Variants in LRFN2 observed in about 807,000 individuals in gnomAD.
LRFN2 encodes leucine rich repeat and fibronectin type III domain containing 2.
A neutral mutation model predicts 37.3 loss-of-function variants in LRFN2; 18 were observed. That is an observed-to-expected ratio of 0.48 (90% confidence interval 0.33 to 0.72). LRFN2 has a LOEUF of 0.72. Ranked by LOEUF, LRFN2 falls within the 30% of genes least tolerant of loss-of-function variation. LRFN2 has a pLI of 0.02. For missense variants in LRFN2, 1,006 were observed against 1,060.7 expected (o/e 0.95, Z 0.72); for synonymous variants, 556 against 466.6 (o/e 1.19, Z -2.47).
chr6:40,405,767 A>C (rs1305351075), intron 2 of LRFN2, among the ~76,000 whole-genome samples: 1 of 152,200 alleles, frequency 6.6e-6, no homozygotes, highest in Non-Finnish European at 1.5e-5. Context: ...ATGTGGAGGA[A>C]GTGTTAGTAA....
chr6:40,395,422 A>G (rs1373455471), intron 2 of LRFN2, among the ~76,000 whole-genome samples: 1 of 152,200 alleles, frequency 6.6e-6, no homozygotes, highest in African/African-American at 2.4e-5. Flanking sequence ...TCCCTGGAGC[A>G]GCTTAGAGCC....
intron 1 of LRFN2, among the ~76,000 whole-genome samples, chr6:40,512,294 A>G (rs992885933): frequency 1.3e-5 from 2 of 152,204 alleles, no homozygotes; most frequent in Middle Eastern, 3.2e-3. Flanking sequence ...CTTCCTGTGG[A>G]TAACACTGCC....
intron 2 of LRFN2, 90 bp from the exon 3 acceptor site, chr6:40,393,002 A>C: frequency 1.3e-6 from 1 of 784,526 alleles, no homozygotes; most frequent in Non-Finnish European, 1.8e-6. Context: ...ACAGAGTGAC[A>C]GAGATGGGGA....
At chr6:40,538,261 G>A (rs776850779) in intron 1 of LRFN2, among the ~76,000 whole-genome samples, 5 of 152,092 alleles carry the variant, frequency 3.3e-5, no homozygotes, top group Non-Finnish European at 4.4e-5. Flanking sequence ...ATTGGGGCTC[G>A]GCGGAGTGAT....
chr6:40,526,356 G>T (rs903807860), intron 1 of LRFN2, among the ~76,000 whole-genome samples: 1 of 152,196 alleles, frequency 6.6e-6, no homozygotes, highest in African/African-American at 2.4e-5. Flanking sequence ...TCCTTGAAGA[G>T]GCCACAGAAC....
chr6:40,465,927 G>A (rs1417175245), intron 1 of LRFN2, among the ~76,000 whole-genome samples: 1 of 152,144 alleles, frequency 6.6e-6, no homozygotes, highest in Non-Finnish European at 1.5e-5. Flanking sequence ...AAAGGTTGTG[G>A]GGGTGGAGAC....
intron 1 of LRFN2, among the ~76,000 whole-genome samples, chr6:40,480,493 G>A (rs1015548036): frequency 2.0e-5 from 3 of 152,154 alleles, no homozygotes; most frequent in Admixed American, 6.5e-5. Flanking sequence ...GCCCAGGCTG[G>A]TCACGACCTC....
intron 2 of LRFN2, among the ~76,000 whole-genome samples, chr6:40,424,335 G>A (rs747099607): frequency 6.6e-6 from 1 of 152,146 alleles, no homozygotes; most frequent in Non-Finnish European, 1.5e-5. Context: ...AATTACAGCT[G>A]GTGTCCCCAC....
chr6:40,413,166 G>A (rs374688840), intron 2 of LRFN2, among the ~76,000 whole-genome samples: 34 of 152,290 alleles, frequency 2.2e-4, no homozygotes, highest in South Asian at 1.0e-3. Flanking sequence ...GTGATTTACC[G>A]CTGCCTTTAT....
intron 2 of LRFN2, among the ~76,000 whole-genome samples, chr6:40,419,409 C>T (rs1160802877): frequency 1.3e-5 from 2 of 152,186 alleles, no homozygotes; most frequent in African/African-American, 4.8e-5. Context: ...ACCACTACCC[C>T]TCTCCTGGGG....
At chr6:40,549,695 G>A (rs759733935) in intron 1 of LRFN2, among the ~76,000 whole-genome samples, 2 of 151,496 alleles carry the variant, frequency 1.3e-5, no homozygotes, top group African/African-American at 2.4e-5. Flanking sequence ...ACATAAGATT[G>A]GGCTCACCAG....
At chr6:40,518,299 C>T (rs1765942607) in intron 1 of LRFN2, among the ~76,000 whole-genome samples, 2 of 152,146 alleles carry the variant, frequency 1.3e-5, no homozygotes, top group Admixed American at 6.5e-5. Context: ...CAGCTGGTGA[C>T]CAATAAATAT....
chr6:40,537,332 C>T (rs1356299480), intron 1 of LRFN2, among the ~76,000 whole-genome samples: 3 of 152,186 alleles, frequency 2.0e-5, no homozygotes, highest in Admixed American at 6.5e-5. Flanking sequence ...CCAGTAGAAA[C>T]ATTTCCTAGG....
At chr6:40,442,387 A>T (rs1705037876) in intron 1 of LRFN2, among the ~76,000 whole-genome samples, 1 of 152,184 alleles carries the variant, frequency 6.6e-6, no homozygotes, top group African/African-American at 2.4e-5. Context: ...GAGGCTAGGT[A>T]GCATTAAAGG....
chr6:40,440,933 T>C (rs1763820529), intron 1 of LRFN2, among the ~76,000 whole-genome samples: 1 of 152,216 alleles, frequency 6.6e-6, no homozygotes, highest in Non-Finnish European at 1.5e-5. Flanking sequence ...GTTCCATTTC[T>C]GGGGAATCCA....
chr6:40,495,368 T>C (rs542349959), intron 1 of LRFN2, among the ~76,000 whole-genome samples: 2 of 152,348 alleles, frequency 1.3e-5, no homozygotes, highest in Admixed American at 1.3e-4. Context: ...TTTGACACCA[T>C]GTTGGCTTCC....
At chr6:40,563,180 C>A in intron 1 of LRFN2, among the ~76,000 whole-genome samples, 1 of 152,234 alleles carries the variant, frequency 6.6e-6, no homozygotes, top group East Asian at 1.9e-4. Context: ...CCACAGATAA[C>A]CCAGGTGCAA....
intron 1 of LRFN2, among the ~76,000 whole-genome samples, chr6:40,502,998 A>C (rs1765428697): frequency 6.6e-6 from 1 of 152,208 alleles, no homozygotes; most frequent in African/African-American, 2.4e-5. Flanking sequence ...AGAGAACAGC[A>C]TGTTCCAAGA....
intron 1 of LRFN2, among the ~76,000 whole-genome samples, chr6:40,544,892 A>C (rs1581787977): frequency 6.6e-6 from 1 of 152,182 alleles, no homozygotes; most frequent in East Asian, 1.9e-4. Context: ...TGAGAAGGAG[A>C]GAGCAAATGC....
Sources: allele counts gnomAD v4.1 joint callset (sites outside exome capture counted in the v4.1 genomes callset), GRCh38; gene constraint gnomAD v4.1.1; transcripts MANE v1.5; gene names NCBI Gene and HGNC (gene_info 2026-07-23, HGNC 2026-07-21).